ZNF490: variants seen among roughly 807,000 people sequenced by gnomAD.
ZNF490 encodes the protein zinc finger protein 490.
In ZNF490, 11 loss-of-function variants were observed where a neutral mutation model predicts 17.7. The observed-to-expected ratio is 0.62, with a 90% confidence interval of 0.39 to 1.03. The LOEUF is 1.03. Ranked by LOEUF, ZNF490 falls within the 50% of genes least tolerant of loss-of-function variation. The pLI is 0.00. For synonymous variants in ZNF490, 222 were observed against 216.1 expected, an observed-to-expected ratio of 1.03 and a Z score of -0.24; for missense variants, 542 against 643.4, an observed-to-expected ratio of 0.84 and a Z score of 1.71.
In ZNF490 at chr19:12,580,586, T is replaced by C. The variant is rs1233783663; in HGVS notation, c.1489A>G (p.Thr497Ala). The C allele has an allele frequency of 1.2e-6, 2 of 1,614,136 alleles. No homozygotes were observed. Among genetic ancestry groups the C allele is most frequent in the Non-Finnish European group, 1.7e-6 (2 of 1,180,026 alleles). ...CTACACTGAAAGGGTCTTTCTCCAG[T>C]ATGAATTCTTTTGTGTACTTTCAGG... ...NSLKVHKRIH[T>A]GERPFQCRQC... is the part of the protein sequence containing the mutation. The change falls in exon 5 of 5, where the codon ACT becomes GCT. Residue 497 changes from threonine to alanine, a missense_variant. By Grantham distance (58) the Thr-to-Ala change is moderately conservative. Transcript: ENST00000311437.
At chr19:12,605,232 G>A (rs2023053633) in intron 2 of ZNF490, among the ~76,000 whole-genome samples, 2 of 152,104 alleles carry the variant, frequency 1.3e-5, no homozygotes. Flanking sequence ...TATAATCTCA[G>A]TGCTTTGAGA....
chr19:12,580,814 T>C lies in ZNF490; in HGVS notation c.1261A>G (p.Lys421Glu). ...TAAAGAAAGGCTTTACCACATTCTT[T>C]ACATTCGTAAGTTTTCTCGCCAGTG... ...VHTGEKTYEC[K>E]ECGKAFLYST... is the part of the protein sequence containing the mutation. The change falls in exon 5 of 5, where the codon AAA becomes GAA. Residue 421 changes from lysine to glutamate, a missense_variant. Transcript: ENST00000311437. 1 of 1,614,220 alleles carries C rather than the reference T, an allele frequency of 6.2e-7. No individual in the cohort carries two copies. The highest frequency in any genetic ancestry group is 8.5e-7 in the Non-Finnish European group (1 of 1,180,040).
chr19:12,598,074 AT>A (rs2022956613), intron 2 of ZNF490, among the ~76,000 whole-genome samples: 1 of 151,966 alleles, frequency 6.6e-6, no homozygotes, highest in Non-Finnish European at 1.5e-5. Context: ...AAATACAAAA[AT>A]TAGCTGGGCG....
intron 2 of ZNF490, among the ~76,000 whole-genome samples, chr19:12,607,424 T>A (rs1325481549): frequency 1.3e-5 from 2 of 151,828 alleles, no homozygotes; most frequent in African/African-American, 4.8e-5. Context: ...CAGCTACTAG[T>A]CCCAGCTACT....
intron 2 of ZNF490, among the ~76,000 whole-genome samples, chr19:12,601,623 G>A (rs561561392): frequency 6.6e-6 from 1 of 152,154 alleles, no homozygotes; most frequent in East Asian, 1.9e-4. Context: ...GGACTCAGAT[G>A]ATCATGCCAC....
intron 2 of ZNF490, among the ~76,000 whole-genome samples, chr19:12,603,104 G>A (rs945052313): frequency 3.9e-5 from 6 of 152,186 alleles, no homozygotes; most frequent in African/African-American, 1.2e-4. Flanking sequence ...AGAAAGTTGT[G>A]ATATTGTGAA....
chr19:12,577,747 A>G lies in ZNF490; in HGVS notation c.*2738T>C. Reference sequence around the variant, plus strand: ...GGGAGGGTGGAGGCCAGAGGCCTAAAGAGTTCCGACCCGAGCGACACAAAG... The same window carrying G: ...GGGAGGGTGGAGGCCAGAGGCCTAAGGAGTTCCGACCCGAGCGACACAAAG... On this transcript the variant is annotated 3_prime_UTR_variant, in exon 5 of 5. Transcript: ENST00000311437. 1.0e-6 allele frequency: 1 copy of G among 985,546 alleles called. No individual in the cohort carries two copies. Among genetic ancestry groups the G allele is most frequent in the Non-Finnish European group, 1.2e-6 (1 of 830,034 alleles). 61.1% of individuals were successfully genotyped at this position (985,546 alleles called of 1,614,324 possible).
Position 12,580,083 on chromosome 19 carries a change from G to C in ZNF490, c.*402C>G. On this transcript the variant is annotated 3_prime_UTR_variant, in exon 5 of 5. Transcript: ENST00000311437. ...GATCGCACCACTGCACTCCAGCCTG[G>C]GCAACAAGAGCAAAATTACATCTCA... The C allele has an allele frequency of 1.0e-6, 1 of 959,358 alleles. No individual in the cohort carries two copies. The highest frequency in any genetic ancestry group is 1.8e-5 in the African/African-American group (1 of 56,818). 59.4% of individuals were successfully genotyped at this position (959,358 alleles called of 1,614,324 possible). A position where few individuals can be genotyped will look rare whatever the true frequency, so the allele number is the denominator to read the frequency against.
chr19:12,578,830 CCTT>C lies in ZNF490; in HGVS notation c.*1652_*1654del, dbSNP rs1370163517. The C allele has an allele frequency of 2.0e-6, 2 of 985,328 alleles. No individual in the cohort carries two copies. The highest frequency in any genetic ancestry group is 3.5e-5 in the African/African-American group (2 of 57,224). 61.0% of individuals were successfully genotyped at this position (985,328 alleles called of 1,614,324 possible). On this transcript the variant is annotated 3_prime_UTR_variant, in exon 5 of 5. Coordinates refer to ENST00000311437, the MANE Select transcript of ZNF490 (RefSeq NM_020714.3). The stretch of plus-strand genomic sequence containing the variant: ...ACAAAAGGCCTGCTGGGGCCCAAGT[CCTT>C]CTTCCCCATTCCTTTAATTCTTCCT...
chr19:12,583,889 A>C (rs1293043084), intron 2 of ZNF490, among the ~76,000 whole-genome samples: 13 of 146,748 alleles, frequency 8.9e-5, no homozygotes, highest in South Asian at 2.1e-4. Flanking sequence ...CGGCTCACTG[A>C]AAGCTCCGCC....
chr19:12,583,393 C>T (rs1568278433), intron 3 of ZNF490, 37 bp downstream of exon 3: 1 of 1,548,220 alleles, frequency 6.5e-7, no homozygotes, highest in Admixed American at 1.9e-5. Flanking sequence ...ACACCTGTTC[C>T]CTCCTTAATT....
intron 2 of ZNF490, among the ~76,000 whole-genome samples, chr19:12,592,507 G>C (rs1265846656): frequency 6.6e-6 from 1 of 152,096 alleles, no homozygotes; most frequent in East Asian, 1.9e-4. Context: ...TGACATTCAG[G>C]AAAAGGCAAA....
At chr19:12,606,905 A>G (rs2023074526) in intron 2 of ZNF490, among the ~76,000 whole-genome samples, 1 of 152,230 alleles carries the variant, frequency 6.6e-6, no homozygotes, top group African/African-American at 2.4e-5. Flanking sequence ...ATGTTTGCAC[A>G]TCACTGTGGT....
At chr19:12,597,342 T>A in intron 2 of ZNF490, 1 of 343,760 alleles carries the variant, frequency 2.9e-6, no homozygotes, top group South Asian at 2.2e-5. Context: ...ACACCGATGC[T>A]GACTGGACAG....
In ZNF490 at chr19:12,576,876, T is replaced by C. The variant is rs964848608; in HGVS notation, c.*3609A>G. Among the ~76,000 whole-genome samples the C allele has an allele frequency of 8.8e-5, 12 of 135,878 alleles. No homozygotes were observed. Among genetic ancestry groups the C allele is most frequent in the Non-Finnish European group, 1.6e-4 (10 of 63,730 alleles). The allele number at this position is 135,878 out of a possible 152,430, so 89.1% of individuals were successfully genotyped here. A position where few individuals can be genotyped will look rare whatever the true frequency, so the allele number is the denominator to read the frequency against. ...ATATTTAAAAATATATATAAATATA[T>C]ATACACACAGCCCTCTAGACAAATA... On this transcript the variant is annotated 3_prime_UTR_variant, in exon 5 of 5. Coordinates refer to ENST00000311437, the MANE Select transcript of ZNF490 (RefSeq NM_020714.3).
In ZNF490 at chr19:12,579,194, A is replaced by C. The variant is rs992675795; in HGVS notation, c.*1291T>G. 6.7e-6 allele frequency: 1 copy of C among 149,978 alleles called. No homozygotes were observed. Among genetic ancestry groups the C allele is most frequent in the Admixed American group, 6.7e-5 (1 of 14,866 alleles). 9.3% of individuals were successfully genotyped at this position (149,978 alleles called of 1,614,324 possible). On this transcript the variant is annotated 3_prime_UTR_variant, in exon 5 of 5. Transcript: ENST00000311437. ...CGTGAACCCAGGAGGCGGAGCTTGC[A>C]GTGAGCTGAGATCGCGCCACTGCAC...
chr19:12,600,604 T>C (rs2022991345), intron 2 of ZNF490, among the ~76,000 whole-genome samples: 2 of 152,092 alleles, frequency 1.3e-5, no homozygotes, highest in African/African-American at 4.8e-5. Context: ...TTATAATTAT[T>C]ATGTTAAATT....
intron 2 of ZNF490, among the ~76,000 whole-genome samples, chr19:12,592,064 G>A (rs542669155): frequency 2.0e-5 from 3 of 152,146 alleles, no homozygotes; most frequent in African/African-American, 4.8e-5. Context: ...TCAGCTGGGC[G>A]CGGTGGCTCA....
rs1415541830 is a variant in ZNF490 at position 12,580,951 on chromosome 19, C to G, written c.1124G>C (p.Ser375Thr). 1.9e-6 allele frequency: 3 copies of G among 1,614,018 alleles called. No homozygotes were observed. In the African/African-American group the frequency reaches 4.0e-5, roughly 22 times the overall value. Residue 375 changes from serine (S) to threonine (T), a missense_variant, in exon 5 of 5, where the codon AGT (serine) becomes ACT (threonine). Physicochemically the swap from Ser to Thr is moderately conservative, Grantham distance 58. Coordinates refer to ENST00000311437, the MANE Select transcript of ZNF490 (RefSeq NM_020714.3). ...AGTTCTTTCGTGCACTTCACAGGAA[C>G]TAGATGACTTGAAGGCTTCCCCACA... ...KKCGEAFKSS[S>T]SCEVHERTHF... is the part of the protein sequence containing the mutation.
Sources: gnomAD v4.1 joint callset for allele counts (sites outside exome capture counted in the v4.1 genomes callset) on GRCh38, gnomAD v4.1.1 for gene constraint, MANE v1.5 for transcripts, NCBI Gene and HGNC (gene_info 2026-07-23, HGNC 2026-07-21) for gene names.